Variants in ZFHX3 observed in about 807,000 individuals in gnomAD.
The protein encoded by ZFHX3 is zinc finger homeobox 3.
Under a neutral mutation model 279.1 loss-of-function variants are expected in ZFHX3, and 42 were observed. The observed-to-expected ratio is 0.15, with a 90% CI of 0.12 to 0.19. The LOEUF is 0.19. ZFHX3 is among the 10% of genes least tolerant of loss of function. The probability of loss-of-function intolerance (pLI) is 1.00; values close to 1 mark genes in which losing one functional copy is unlikely to be tolerated. For synonymous variants in ZFHX3, 2,293 were observed against 1,957.8 expected, an observed-to-expected ratio of 1.17 and a Z score of -4.52; for missense variants, 4,981 against 4,754.0, an observed-to-expected ratio of 1.05 and a Z score of -1.40.
At chr16:72,826,047 G>A (rs1185006061) in intron 5 of ZFHX3, among the ~76,000 whole-genome samples, 7 of 152,160 alleles carry the variant, frequency 4.6e-5, no homozygotes, top group South Asian at 2.1e-4. Flanking sequence ...CACTGAATTT[G>A]TGATCAGTGG....
intron 2 of ZFHX3, among the ~76,000 whole-genome samples, chr16:72,951,852 T>C (rs532612916): frequency 2.4e-4 from 36 of 152,302 alleles, no homozygotes; most frequent in Admixed American, 3.3e-4. Flanking sequence ...ACCTGAAATA[T>C]GGGTAGTGCA....
chr16:73,710,220 T>A (rs961619649), intron 1 of ZFHX3, among the ~76,000 whole-genome samples: 1 of 152,122 alleles, frequency 6.6e-6, no homozygotes, highest in African/African-American at 2.4e-5. Context: ...AAAAATTAAA[T>A]AAATGAATGG....
intron 1 of ZFHX3, among the ~76,000 whole-genome samples, chr16:73,055,272 G>A (rs771819063): frequency 7.2e-5 from 11 of 151,944 alleles, no homozygotes; most frequent in South Asian, 4.2e-4. Context: ...CCCTCCTCCC[G>A]GGTTTTGTTT....
chr16:72,968,752 T>G (rs1004802276), intron 1 of ZFHX3, among the ~76,000 whole-genome samples: 1 of 152,204 alleles, frequency 6.6e-6, no homozygotes, highest in Non-Finnish European at 1.5e-5. Context: ...CATGAGCCAC[T>G]GTGCCCAGCC....
chr16:73,107,611 CG>C (rs1966320205), intron 7 of ZFHX3, among the ~76,000 whole-genome samples: 1 of 152,184 alleles, frequency 6.6e-6, no homozygotes, highest in African/African-American at 2.4e-5. Flanking sequence ...TGTTCTGTAG[CG>C]TAGCTCCTAT....
chr16:72,828,335 CCT>C (rs2036982924), intron 5 of ZFHX3, among the ~76,000 whole-genome samples: 1 of 152,182 alleles, frequency 6.6e-6, no homozygotes. Context: ...TTAACTGTCC[CCT>C]AAGTCTTCTC....
intron 1 of ZFHX3, among the ~76,000 whole-genome samples, chr16:73,731,736 G>A (rs1374948447): frequency 1.3e-5 from 2 of 152,248 alleles, no homozygotes; most frequent in East Asian, 3.9e-4. Context: ...GGGACATTAT[G>A]TTCAAAATAA....
intron 2 of ZFHX3, among the ~76,000 whole-genome samples, chr16:73,527,355 G>T (rs973102445): frequency 2.0e-5 from 3 of 152,164 alleles, no homozygotes; most frequent in African/African-American, 7.2e-5. Context: ...TTTTGAGACA[G>T]GTTGTGTCTA....
In ZFHX3 at chr16:73,753,471, C is replaced by T. The variant is rs572265342; in HGVS notation, c.-1607-73231G>A. Among the ~76,000 whole-genome samples the T allele has an allele frequency of 2.6e-5, 4 of 152,280 alleles. No individual in the cohort carries two copies. The South Asian group carries it at 8.3e-4, about 32-fold the overall frequency. On this transcript the variant is annotated intron_variant, in intron 1 of 17. Transcript: ENST00000641206. Reference sequence around the variant, plus strand: ...CCTTTCCTAGAAGGTCCTAAATAACCCTTCCCTCAATTTACTTTAACCCAC... The same window carrying T: ...CCTTTCCTAGAAGGTCCTAAATAACTCTTCCCTCAATTTACTTTAACCCAC...
At chr16:73,378,872 C>T (rs1215516798) in intron 3 of ZFHX3, among the ~76,000 whole-genome samples, 1 of 152,172 alleles carries the variant, frequency 6.6e-6, no homozygotes, top group East Asian at 1.9e-4. Context: ...TCTGACCTTC[C>T]GAGATACTTA....
At chr16:72,943,014 A>T (rs1418370528) in intron 3 of ZFHX3, among the ~76,000 whole-genome samples, 1 of 152,204 alleles carries the variant, frequency 6.6e-6, no homozygotes, top group Non-Finnish European at 1.5e-5. Flanking sequence ...CTCCGAAGAC[A>T]GTATTCCGTA....
At chr16:72,887,497 G>A (rs1049485210) in intron 4 of ZFHX3, among the ~76,000 whole-genome samples, 5 of 152,092 alleles carry the variant, frequency 3.3e-5, no homozygotes, top group Admixed American at 2.0e-4. Context: ...GAAGGTGGAG[G>A]GAGGAAGGAC....
At chr16:72,961,250 A>C (rs986365779) in intron 1 of ZFHX3, among the ~76,000 whole-genome samples, 1 of 152,132 alleles carries the variant, frequency 6.6e-6, no homozygotes, top group Non-Finnish European at 1.5e-5. Flanking sequence ...CCTGCCTCTT[A>C]GTTATTAGTC....
At chr16:73,782,958 C>T (rs1299937897) in intron 1 of ZFHX3, among the ~76,000 whole-genome samples, 1 of 152,194 alleles carries the variant, frequency 6.6e-6, no homozygotes, top group African/African-American at 2.4e-5. Context: ...TAGGTGAAAA[C>T]TTCAGGATAC....
At chr16:72,907,543 ATTTGTGTGTGTG>A (rs2039208376) in intron 3 of ZFHX3, among the ~76,000 whole-genome samples, 3 of 80,064 alleles carry the variant, frequency 3.7e-5, no homozygotes, top group Admixed American at 3.0e-4. Context: ...GGTTTCCTCT[ATTTGTGTGTGTG>A]TGTGTGTGTG....
In ZFHX3 at chr16:73,545,348, A is replaced by T. The variant is rs2020091052; in HGVS notation, c.-1546-89090T>A. ...TTGCCTTTAATTTTGGTTTGGTTTT[A>T]GAGGGAGGGGGTGGCAGGGTATATT... On this transcript the variant is annotated intron_variant, in intron 2 of 17. Coordinates refer to the ZFHX3 transcript ENST00000641206. 2.7e-5 allele frequency among the ~76,000 whole-genome samples: 4 copies of T among 150,784 alleles called. No individual in the cohort carries two copies. The South Asian group carries it at 8.8e-4, about 33-fold the overall frequency.
chr16:72,826,440 C>T (rs73590703), intron 5 of ZFHX3, among the ~76,000 whole-genome samples: 8,726 of 152,102 alleles, frequency 0.057, 873 homozygotes, highest in African/African-American at 0.2. Context: ...AAGCATTCCC[C>T]GTCACATGTA....
intron 3 of ZFHX3, among the ~76,000 whole-genome samples, chr16:73,346,416 G>A (rs1395625155): frequency 3.3e-5 from 5 of 152,166 alleles, no homozygotes; most frequent in African/African-American, 1.2e-4. Context: ...GATACCCAAG[G>A]TGAAGAAGAA....
chr16:72,962,065 G>C (rs983060615), intron 1 of ZFHX3, among the ~76,000 whole-genome samples: 4 of 152,224 alleles, frequency 2.6e-5, no homozygotes, highest in Non-Finnish European at 5.9e-5. Flanking sequence ...AAGGTTGGCA[G>C]GCCTGAAGGG....
Sources: gnomAD v4.1 joint callset for allele counts (sites outside exome capture counted in the v4.1 genomes callset) on GRCh38, gnomAD v4.1.1 for gene constraint, MANE v1.5 for transcripts, NCBI Gene and HGNC (gene_info 2026-07-23, HGNC 2026-07-21) for gene names.